The following ZNF74 variants were observed in gnomAD, a reference collection of about 807,000 sequenced individuals.
ZNF74 encodes the protein zinc finger protein 520.
Under a neutral mutation model 17.7 loss-of-function variants are expected in ZNF74, and 12 were observed. The ratio of observed to expected loss-of-function variants is 0.68; its 90% CI spans 0.43 to 1.10. The LOEUF is 1.10. Ranked by LOEUF, ZNF74 falls within the 50% of genes least tolerant of loss-of-function variation. The pLI is 0.00. For missense variants in ZNF74, 811 were observed against 881.0 expected, an observed-to-expected ratio of 0.92 and a Z score of 1.01; for synonymous variants, 358 against 362.1, an observed-to-expected ratio of 0.99 and a Z score of 0.13.
In ZNF74 at chr22:20,401,259, C is replaced by T. The variant is rs1440400884; in HGVS notation, c.248-18C>T. 3 of 1,590,666 alleles carry T rather than the reference C, an allele frequency of 1.9e-6. No individual in the cohort carries two copies. In the Admixed American group the frequency reaches 5.1e-5, roughly 27 times the overall value. ...GGAGAGCTGCAGCATGCCCAGCCCA[C>T]TTTCTCTCCACGAGCAGGACCTCCA... On this transcript the variant is annotated intron_variant, in intron 3 of 4. Transcript: ENST00000400451. This position sits in a 1 kb window ranked among gnomAD's most constrained non-coding sequence, Gnocchi z 4.2.
At position 20,400,700 on chromosome 22, in the gene ZNF74, T is replaced by G. The variant is rs1375771258; in HGVS notation, c.189T>G (p.Pro63=). The change falls in exon 3 of 5, where the codon CCT becomes CCG. Residue 63 remains proline (P), a synonymous_variant. Transcript: ENST00000400451. The part of the protein sequence containing the change: ...TQEEWGQLDS[P]QRALYRDVML... ...AGGAGTGGGGTCAACTAGACTCCCC[T>G]CAGAGGGCCTTGTACCGGGATGTGA... 6.2e-7 allele frequency: 1 copy of G among 1,614,122 alleles called. No individual in the cohort carries two copies. The highest frequency in any genetic ancestry group is 1.7e-5 in the Admixed American group (1 of 60,016).
In ZNF74 at chr22:20,401,860, G is replaced by A. The variant is rs1034456561; in HGVS notation, c.343+488G>A. Among the ~76,000 whole-genome samples, 8 of 152,134 alleles carry A rather than the reference G, an allele frequency of 5.3e-5. No individual in the cohort carries two copies. Among genetic ancestry groups the A allele is most frequent in the South Asian group, 2.1e-4 (1 of 4,820 alleles). On this transcript the variant is annotated intron_variant, in intron 4 of 4. Coordinates refer to ENST00000400451, the MANE Select transcript of ZNF74 (RefSeq NM_003426.4). The surrounding 1 kb of genome is among the most constrained non-coding windows in gnomAD (Gnocchi z 4.2). ...CATCAGTGTCAGGGCCATCATCAGCGTCAGGGTCAGAGTCAGCATCAGCAT... is the reference window on the plus strand; with the variant it reads ...CATCAGTGTCAGGGCCATCATCAGCATCAGGGTCAGAGTCAGCATCAGCAT...
intron 4 of ZNF74, among the ~76,000 whole-genome samples, chr22:20,402,603 A>G (rs1453928647): frequency 6.6e-6 from 1 of 151,958 alleles, no homozygotes; most frequent in East Asian, 1.9e-4. Flanking sequence ...GGAGTTCGAG[A>G]CCAGCCTGAC....
chr22:20,399,722 G>T, intron 2 of ZNF74: 1 of 249,586 alleles, frequency 4.0e-6, no homozygotes, highest in South Asian at 3.7e-5. Flanking sequence ...CCAAGTGCTG[G>T]GATTATAGGC....
rs1601272355 is a variant in ZNF74, at chr22:20,400,750, T to G, written c.239T>G (p.Leu80Arg). The change falls in exon 3 of 5, where the codon CTT becomes CGT. Residue 80 changes from leucine (L) to arginine (R), a missense_variant. By Grantham distance (102) the Leu-to-Arg change is moderately radical. This residue lies in a region of ZNF74 where 666 missense variants were observed against 702.3 expected (regional missense o/e 0.95). Coordinates refer to ENST00000400451, the MANE Select transcript of ZNF74 (RefSeq NM_003426.4). ...DVMLENYQNL[L>R]ALGPPLHKPD... ...ATGTTGGAGAACTACCAGAACCTTC[T>G]TGCCCTAGGTAAAATCCCCCCAGCC... 9.3e-6 allele frequency: 15 copies of G among 1,614,086 alleles called. No homozygotes were observed. Among genetic ancestry groups the G allele is most frequent in the Non-Finnish European group, 1.3e-5 (15 of 1,179,990 alleles).
chr22:20,401,113 T>G lies in ZNF74; in HGVS notation c.248-164T>G. The G allele has an allele frequency of 1.6e-6, 1 of 608,706 alleles. No individual in the cohort carries two copies. Among genetic ancestry groups the G allele is most frequent in the Non-Finnish European group, 2.9e-6 (1 of 340,154 alleles). 37.7% of individuals were successfully genotyped at this position (608,706 alleles called of 1,614,324 possible). A position where few individuals can be genotyped will look rare whatever the true frequency, so the allele number is the denominator to read the frequency against. On this transcript the variant is annotated intron_variant, in intron 3 of 4. Coordinates refer to ENST00000400451, the MANE Select transcript of ZNF74 (RefSeq NM_003426.4). The surrounding 1 kb of genome is among the most constrained non-coding windows in gnomAD (Gnocchi z 4.2). The stretch of plus-strand genomic sequence containing the variant: ...GGGTCTTCAGAGTATACACTGGGAT[T>G]TGGGTTCCAGTCTGAGACCCTCACT...
rs1467570539 is a variant in ZNF74 at position 20,407,373 on chromosome 22, A to T, written c.*405A>T. 5.5e-6 allele frequency: 1 copy of T among 182,430 alleles called. No individual in the cohort carries two copies. Among genetic ancestry groups the T allele is most frequent in the Non-Finnish European group, 1.2e-5 (1 of 86,808 alleles). The allele number at this position is 182,430 out of a possible 1,614,324, so 11.3% of individuals were successfully genotyped here. A position where few individuals can be genotyped will look rare whatever the true frequency, so the allele number is the denominator to read the frequency against. Reference sequence around the variant, plus strand: ...GGAGTCTAGGACCAGCCTGGACAACATGGTGAGACCTCGTCTCTACAAAAA... The same window carrying T: ...GGAGTCTAGGACCAGCCTGGACAACTTGGTGAGACCTCGTCTCTACAAAAA... On this transcript the variant is annotated 3_prime_UTR_variant, in exon 5 of 5. Transcript: ENST00000400451.
intron 4 of ZNF74, among the ~76,000 whole-genome samples, chr22:20,402,281 CT>C (rs1377995075): frequency 6.6e-6 from 1 of 152,096 alleles, no homozygotes; most frequent in East Asian, 1.9e-4. Flanking sequence ...GCTTTCTGGT[CT>C]TTATTTCTCA....
chr22:20,395,289 G>A (rs1184181399), intron 1 of ZNF74, 44 bp from the exon 2 acceptor site: 21 of 1,483,464 alleles, frequency 1.4e-5, no homozygotes, highest in Non-Finnish European at 1.7e-5. Flanking sequence ...AAGCTCAGCC[G>A]TGAGCCTGGT....
At position 20,398,962 on chromosome 22, in the gene ZNF74, T is replaced by A. The variant is rs535436801; in HGVS notation, c.121-1670T>A. Among the ~76,000 whole-genome samples, 11 of 152,352 alleles carry A rather than the reference T, an allele frequency of 7.2e-5. No homozygotes were observed. The East Asian group carries it at 2.1e-3, about 29-fold the overall frequency. On this transcript the variant is annotated intron_variant, in intron 2 of 4. Transcript: ENST00000400451. ...CAGAATGTGTTGTTTCATTTCCTAA[T>A]ATTTAGGGCATTTTCCAGATAACTT...
rs2052415065 is a variant in ZNF74, at chr22:20,405,876, C to T, written c.843C>T (p.Cys281=). The T allele has an allele frequency of 6.2e-7, 1 of 1,613,648 alleles. No homozygotes were observed. The highest frequency in any genetic ancestry group is 8.5e-7 in the Non-Finnish European group (1 of 1,179,924). ...AGAAGGCTTACAAGTGCGATGAATG[C>T]GGCAAGGCCTTCACCTGGAGCACCA... ...SREKAYKCDE[C]GKAFTWSTNL... is the part of the protein sequence containing the mutation. The change falls in exon 5 of 5, where the codon TGC becomes TGT. Residue 281 remains cysteine, a synonymous_variant. Coordinates refer to ENST00000400451, the MANE Select transcript of ZNF74 (RefSeq NM_003426.4).
Position 20,407,051 on chromosome 22 carries a change from A to AG in ZNF74, c.*84dup. On this transcript the variant is annotated 3_prime_UTR_variant, in exon 5 of 5. Transcript: ENST00000400451. ...CTGGTCCTCCCTGGCTCCTAGATCC[A>AG]GACCACCTTCCTCCAGGTGTGGGAG... 2.0e-6 allele frequency: 3 copies of AG among 1,478,272 alleles called. No individual in the cohort carries two copies. Among genetic ancestry groups the AG allele is most frequent in the Middle Eastern group, 3.9e-4 (2 of 5,064 alleles). 91.6% of individuals were successfully genotyped at this position (1,478,272 alleles called of 1,614,324 possible). A position where few individuals can be genotyped will look rare whatever the true frequency, so the allele number is the denominator to read the frequency against.
rs548639901 is a variant in ZNF74 at position 20,401,318 on chromosome 22, C to T, written c.289C>T (p.Arg97Ter). The T allele has an allele frequency of 1.1e-5, 17 of 1,611,662 alleles. No individual in the cohort carries two copies. The highest frequency in any genetic ancestry group is 4.0e-5 in the African/African-American group (3 of 74,844). ...HKPDVISHLE[R>*]GEEPWSMQRE... ...GCCAGATGTGATCTCTCATCTGGAA[C>T]GAGGCGAGGAGCCATGGAGCATGCA... Residue 97 changes from arginine (R) to a stop codon, truncating the protein, a stop_gained, in exon 4 of 5, where the codon CGA becomes TGA. Coordinates refer to ENST00000400451, the MANE Select transcript of ZNF74 (RefSeq NM_003426.4). LOFTEE classifies it high-confidence loss of function. This position sits in a 1 kb window ranked among gnomAD's most constrained non-coding sequence, Gnocchi z 4.2.
rs559152036 is a variant in ZNF74, at chr22:20,407,826, G to A, written c.*858G>A. On this transcript the variant is annotated 3_prime_UTR_variant, in exon 5 of 5. Transcript: ENST00000400451. ...GTGTTTAGTGACAGTGCAGTCAGGG[G>A]CATTCCCACAGCTGTCACAGCACGG... 6.6e-6 allele frequency: 1 copy of A among 152,290 alleles called. No individual in the cohort carries two copies. Among genetic ancestry groups the A allele is most frequent in the East Asian group, 1.9e-4 (1 of 5,184 alleles). 9.4% of individuals were successfully genotyped at this position (152,290 alleles called of 1,614,324 possible).
rs749863512 is a variant in ZNF74 at position 20,394,320 on chromosome 22, G to A, written c.-309G>A. On this transcript the variant is annotated 5_prime_UTR_variant, in exon 1 of 5. Coordinates refer to ENST00000400451, the MANE Select transcript of ZNF74 (RefSeq NM_003426.4). The stretch of plus-strand genomic sequence containing the variant: ...GCCGCGGAACCTTAGGCCTGGCCCT[G>A]GTCTCCGAGCGCGGGTTCGCCGGGA... The A allele has an allele frequency of 1.4e-6, 1 of 698,328 alleles. No individual in the cohort carries two copies. The highest frequency in any genetic ancestry group is 1.5e-5 in the South Asian group (1 of 66,624). The allele number at this position is 698,328 out of a possible 1,614,324, so 43.3% of individuals were successfully genotyped here.
In ZNF74 at chr22:20,405,485, G is replaced by A. The variant is rs1428393057; in HGVS notation, c.452G>A (p.Arg151His). The A allele has an allele frequency of 1.2e-6, 2 of 1,608,020 alleles. No homozygotes were observed. Among genetic ancestry groups the A allele is most frequent in the Non-Finnish European group, 8.5e-7 (1 of 1,178,184 alleles). ...RPLGGAQAWG[R>H]QAGALQRSQA... ...CTCGGCGGGGCGCAGGCGTGGGGGC[G>A]CCAGGCAGGTGCTCTGCAGAGGAGT... Residue 151 changes from arginine (R) to histidine (H), a missense_variant, in exon 5 of 5, where the codon CGC (arginine) becomes CAC (histidine). By Grantham distance (29) the Arg-to-His change is conservative (BLOSUM62 0). Around this residue, in one of 3 missense-constraint regions of ZNF74, gnomAD observed 666 missense variants for 702.3 expected, o/e 0.95. Transcript: ENST00000400451.
chr22:20,405,775 T>G lies in ZNF74; in HGVS notation c.742T>G (p.Phe248Val). 6.2e-7 allele frequency: 1 copy of G among 1,609,658 alleles called. No individual in the cohort carries two copies. The highest frequency in any genetic ancestry group is 8.5e-7 in the Non-Finnish European group (1 of 1,178,456). Residue 248 changes from phenylalanine (F) to valine (V), a missense_variant, in exon 5 of 5, where the codon TTC (phenylalanine) becomes GTC (valine). Coordinates refer to ENST00000400451, the MANE Select transcript of ZNF74 (RefSeq NM_003426.4). ...CGGGGCGGGCGCCGGGGAGGGCGAG[T>G]TCGTGTGCGGCGAGTGCGGGAAGGC... ...QRGAGAGEGEFVCGECGKAFR... is the reference protein window; with the variant it reads ...QRGAGAGEGEVVCGECGKAFR...
intron 1 of ZNF74, chr22:20,395,073 C>T (rs1296478254): frequency 1.9e-5 from 9 of 462,558 alleles, no homozygotes; most frequent in Non-Finnish European, 3.1e-5. Context: ...TTCTTCCCCG[C>T]GCCCAATCAT....
At chr22:20,404,356 G>A (rs2052389769) in intron 4 of ZNF74, among the ~76,000 whole-genome samples, 7 of 152,124 alleles carry the variant, frequency 4.6e-5, no homozygotes. Flanking sequence ...TTGAGACAGG[G>A]TATCCCTCTA....
Sources: gnomAD v4.1 joint callset for allele counts (sites outside exome capture counted in the v4.1 genomes callset) on GRCh38, gnomAD v4.1.1 for gene constraint, gnomAD v4.1.1 regional missense constraint, Gnocchi (gnomAD v3.1) non-coding constraint, MANE v1.5 for transcripts, NCBI Gene and HGNC (gene_info 2026-07-23, HGNC 2026-07-21) for gene names.